Variants in DDX60 observed in about 807,000 individuals in gnomAD.
DDX60 encodes the protein probable ATP-dependent RNA helicase DDX60.
Under a neutral mutation model 212.8 loss-of-function variants are expected in DDX60, and 165 were observed. That is an observed-to-expected ratio of 0.78 (90% CI 0.68 to 0.88). DDX60 has a LOEUF of 0.88. DDX60 is among the 40% of genes least tolerant of loss of function. DDX60 has a pLI of 0.00. For synonymous variants in DDX60, 703 were observed against 685.3 expected (o/e 1.03, Z -0.40); for missense variants, 1,905 against 2,003.9 (o/e 0.95, Z 0.94).
Position 168,267,916 on chromosome 4 carries a change from T to C in DDX60, c.2854A>G (p.Lys952Glu), listed in dbSNP as rs1734920597. ...DKIIENNTASKRHVGRQAGFP... is the reference protein window; with the variant it reads ...DKIIENNTASERHVGRQAGFP... Reference sequence around the variant, plus strand: ...CCGGCCTGACGACCCACATGTCTTTTAGAAGCGGTATTATTTTCAATTATT... The same window carrying C: ...CCGGCCTGACGACCCACATGTCTTTCAGAAGCGGTATTATTTTCAATTATT... Residue 952 changes from lysine (K) to glutamate (E), a missense_variant, in exon 21 of 38, where the codon AAA becomes GAA. Lys to Glu is a moderately conservative substitution (Grantham distance 56). Coordinates refer to ENST00000393743, the MANE Select transcript of DDX60 (RefSeq NM_017631.6). 4 of 1,613,404 alleles carry C rather than the reference T, an allele frequency of 2.5e-6. No homozygotes were observed. The highest frequency in any genetic ancestry group is 1.7e-5 in the Admixed American group (1 of 59,992).
intron 30 of DDX60, 124 bp from the exon 31 acceptor site, chr4:168,237,919 A>G: frequency 1.5e-6 from 1 of 672,898 alleles, no homozygotes. Context: ...TATCAGAAAA[A>G]ATTTGATTTC....
intron 14 of DDX60, among the ~76,000 whole-genome samples, chr4:168,279,360 T>C (rs755662215): frequency 6.6e-6 from 1 of 152,216 alleles, no homozygotes; most frequent in Non-Finnish European, 1.5e-5. Context: ...TATTTTTACC[T>C]CCAAATACAA....
intron 33 of DDX60, among the ~76,000 whole-genome samples, chr4:168,228,828 C>A (rs1226569239): frequency 6.6e-6 from 1 of 151,962 alleles, no homozygotes; most frequent in Non-Finnish European, 1.5e-5. Context: ...TATTTTACTG[C>A]AGACTTGATA....
chr4:168,222,637 G>A (rs1304176428), intron 35 of DDX60, among the ~76,000 whole-genome samples: 1 of 152,102 alleles, frequency 6.6e-6, no homozygotes, highest in Non-Finnish European at 1.5e-5. Flanking sequence ...AACCATTCGA[G>A]TGACAGATAT....
Position 168,273,504 on chromosome 4 carries a change from G to T in DDX60, c.2455-106C>A, listed in dbSNP as rs898703501. On this transcript the variant is annotated intron_variant, in intron 17 of 37. Transcript: ENST00000393743. ...GTGTGTCCTGCTTTCAGTGCAGAAA[G>T]CTTACTAACCCCTTTCATCAACCCA... is the stretch of plus-strand genomic sequence containing the variant. The T allele has an allele frequency of 3.6e-6, 5 of 1,381,100 alleles. No individual in the cohort carries two copies. In the African/African-American group the frequency reaches 7.3e-5, roughly 20 times the overall value. 85.6% of individuals were successfully genotyped at this position (1,381,100 alleles called of 1,614,324 possible). A position where few individuals can be genotyped will look rare whatever the true frequency, so the allele number is the denominator to read the frequency against.
intron 34 of DDX60, 140 bp from the exon 35 acceptor site, chr4:168,224,525 C>T: frequency 6.5e-6 from 5 of 764,604 alleles, no homozygotes; most frequent in Admixed American, 5.7e-5. Context: ...TAAGTTATAT[C>T]GCATAAGGTT....
At chr4:168,274,867 T>C (rs1045950586) in intron 16 of DDX60, among the ~76,000 whole-genome samples, 4 of 152,218 alleles carry the variant, frequency 2.6e-5, no homozygotes, top group African/African-American at 9.6e-5. Context: ...GTTCAATGTA[T>C]GTAGAAATGC....
At chr4:168,246,718 G>T (rs747788694) in intron 29 of DDX60, 100 bp from the exon 30 acceptor site, 6 of 1,237,630 alleles carry the variant, frequency 4.8e-6, no homozygotes, top group Non-Finnish European at 6.9e-6. Flanking sequence ...CATGGAAATT[G>T]TGCATATGTC....
At chr4:168,257,079 C>A (rs992599033) in intron 25 of DDX60, among the ~76,000 whole-genome samples, 1 of 152,150 alleles carries the variant, frequency 6.6e-6, no homozygotes, top group Non-Finnish European at 1.5e-5. Context: ...AATCTCAGCA[C>A]TTTGGGAGGC....
Position 168,274,040 on chromosome 4 carries a change from A to G in DDX60, c.2348T>C (p.Ile783Thr), listed in dbSNP as rs546143317. The G allele has an allele frequency of 3.1e-6, 5 of 1,614,198 alleles. No homozygotes were observed. The highest frequency in any genetic ancestry group is 2.2e-5 in the East Asian group (1 of 44,876). ...TTTGCCTGAGGACGTTGGGGCAACA[A>G]TCACTGCTGACTCATTCTTATCCAC... ...DVVDKNESAV[I>T]VAPTSSGKTY... The change falls in exon 17 of 38, where the codon ATT (isoleucine) becomes ACT (threonine). Residue 783 changes from isoleucine to threonine, a missense_variant. By Grantham distance (89) the Ile-to-Thr change is moderately conservative (BLOSUM62 -1). Coordinates refer to ENST00000393743, the MANE Select transcript of DDX60 (RefSeq NM_017631.6).
At chr4:168,290,328 C>CTTTTTTTTTT (rs547452038) in intron 8 of DDX60, among the ~76,000 whole-genome samples, 8 of 124,254 alleles carry the variant, frequency 6.4e-5, no homozygotes, top group East Asian at 2.2e-4. Flanking sequence ...CTTTTCTTTT[C>CTTTTTTTTTT]TTTTTTTTTT....
At chr4:168,261,675 C>T (rs1734628765) in intron 24 of DDX60, among the ~76,000 whole-genome samples, 1 of 152,158 alleles carries the variant, frequency 6.6e-6, no homozygotes, top group Non-Finnish European at 1.5e-5. Flanking sequence ...TTCTCAGAGA[C>T]TGTTACTGTG....
In DDX60 at chr4:168,274,025, G is replaced by A; in HGVS notation, c.2363C>T (p.Ser788Phe). 4 of 1,614,204 alleles carry A rather than the reference G, an allele frequency of 2.5e-6. No homozygotes were observed. Among genetic ancestry groups the A allele is most frequent in the Non-Finnish European group, 3.4e-6 (4 of 1,180,020 alleles). Residue 788 changes from serine (S) to phenylalanine (F), a missense_variant, in exon 17 of 38, where the codon TCC (serine) becomes TTC (phenylalanine). Transcript: ENST00000393743. ...GTAGGAGGCATAGGTTTTGCCTGAG[G>A]ACGTTGGGGCAACAATCACTGCTGA... ...NESAVIVAPT[S>F]SGKTYASYYC...
At chr4:168,318,601 G>C (rs1458713160) in intron 1 of DDX60, 21 bp downstream of exon 1, 1 of 152,394 alleles carries the variant, frequency 6.6e-6, no homozygotes, top group African/African-American at 2.4e-5. Flanking sequence ...CTCTTCCCAA[G>C]GGACATCCCC....
chr4:168,325,226 G>A, the DDX60 span, among the ~76,000 whole-genome samples: 1 of 152,118 alleles, frequency 6.6e-6, no homozygotes, highest in Admixed American at 6.5e-5. Context: ...ATTTTTCTCT[G>A]ACTCCAATGT....
intron 10 of DDX60, among the ~76,000 whole-genome samples, chr4:168,285,796 T>G (rs2684368): frequency 1.2e-4 from 18 of 149,736 alleles, no homozygotes; most frequent in African/African-American, 4.0e-4. Context: ...TGGATGGATG[T>G]ATGCATGGAT....
chr4:168,286,961 A>T, intron 10 of DDX60, 87 bp downstream of exon 10: 1 of 985,200 alleles, frequency 1.0e-6, no homozygotes, highest in Non-Finnish European at 1.4e-6. Flanking sequence ...AAAATTATTT[A>T]TACTTGCAGC....
intron 37 of DDX60, among the ~76,000 whole-genome samples, chr4:168,220,358 G>A (rs186688088): frequency 1.2e-3 from 181 of 152,244 alleles, no homozygotes; most frequent in African/African-American, 3.9e-3. Flanking sequence ...TACCAGGATC[G>A]AGGAGTCAAT....
At position 168,255,905 on chromosome 4, in the gene DDX60, A is replaced by T. The variant is rs533392484; in HGVS notation, c.3399-36T>A. ...AAAGAATGTGCGCCTTGAAAATAAC[A>T]TCATAAATACAATTCAAAACCATAT... On this transcript the variant is annotated intron_variant, in intron 25 of 37. Transcript: ENST00000393743. 3.6e-5 allele frequency: 56 copies of T among 1,556,094 alleles called. 1 individual carries two copies. In the South Asian group the frequency reaches 5.4e-4, roughly 15 times the overall value.
Sources: allele counts gnomAD v4.1 joint callset (sites outside exome capture counted in the v4.1 genomes callset), GRCh38; gene constraint gnomAD v4.1.1; transcripts MANE v1.5; gene names NCBI Gene and HGNC (gene_info 2026-07-23, HGNC 2026-07-21).